RPTOR: variants seen among roughly 807,000 people sequenced by gnomAD.
RPTOR encodes the protein regulatory-associated protein of mTOR.
A neutral mutation model predicts 169.9 loss-of-function variants in RPTOR; 21 were observed. The ratio of observed to expected loss-of-function variants is 0.12; its 90% CI spans 0.09 to 0.18. The LOEUF is 0.18. RPTOR is among the 10% of genes least tolerant of loss of function. RPTOR has a pLI of 1.00. For synonymous variants in RPTOR, 732 were observed against 753.2 expected, an observed-to-expected ratio of 0.97 and a Z score of 0.46; for missense variants, 1,133 against 1,855.9, an observed-to-expected ratio of 0.61 and a Z score of 7.16.
chr17:80,724,036 AAAGGGGGTTGCTG>A (rs2066309196), intron 4 of RPTOR, among the ~76,000 whole-genome samples: 1 of 151,270 alleles, frequency 6.6e-6, no homozygotes, highest in South Asian at 2.1e-4. Flanking sequence ...TAGATAGGAG[AAAGGGGGTTGCTG>A]AAGAAAGTAT....
intron 28 of RPTOR, among the ~76,000 whole-genome samples, chr17:80,953,268 A>G (rs1253672347): frequency 6.6e-6 from 1 of 151,710 alleles, no homozygotes; most frequent in Non-Finnish European, 1.5e-5. Flanking sequence ...TTCTTCCCAT[A>G]GATTCTTATT....
intron 1 of RPTOR, among the ~76,000 whole-genome samples, chr17:80,590,693 G>C (rs1397619301): frequency 1.3e-5 from 2 of 152,260 alleles, no homozygotes; most frequent in Non-Finnish European, 2.9e-5. Flanking sequence ...GGTATAATCT[G>C]TCTACACTTT....
rs190568376 is a variant in RPTOR, at chr17:80,938,276, G to A, written c.2920-2220G>A. Among the ~76,000 whole-genome samples, 270 of 152,210 alleles carry A rather than the reference G, an allele frequency of 1.8e-3. 2 individuals carry two copies. The South Asian group carries it at 0.037, about 21-fold the overall frequency. ...AAGCCGCCCCATTTCTACCCCCCAC[G>A]TCTGGATTCTTTGCCTGAGCTCAGG... On this transcript the variant is annotated intron_variant, in intron 24 of 33. Coordinates refer to ENST00000306801, the MANE Select transcript of RPTOR (RefSeq NM_020761.3).
chr17:80,904,587 C>A (rs2068517814), intron 20 of RPTOR, among the ~76,000 whole-genome samples: 1 of 152,204 alleles, frequency 6.6e-6, no homozygotes, highest in Non-Finnish European at 1.5e-5. Context: ...AAAATAGGTT[C>A]TCCGTGCTTA....
At position 80,823,101 on chromosome 17, in the gene RPTOR, A is replaced by G; in HGVS notation, c.1014A>G (p.Arg338=). 6.2e-7 allele frequency: 1 copy of G among 1,614,150 alleles called. No homozygotes were observed. Among genetic ancestry groups the G allele is most frequent in the Non-Finnish European group, 8.5e-7 (1 of 1,180,034 alleles). ...CAGATCTCTTCCAAAAGCTCTTCAG[A>G]CAGGACTTGCTGGTGGCTAGTCTGT... ...LPRDLFQKLF[R]QDLLVASLFR... Residue 338 remains arginine (R), a synonymous_variant, in exon 9 of 34, where the codon AGA becomes AGG. Transcript: ENST00000306801. This position sits in a 1 kb window ranked among gnomAD's most constrained non-coding sequence, Gnocchi z 4.5.
chr17:80,628,934 T>C (rs2143543182), intron 2 of RPTOR, among the ~76,000 whole-genome samples: 1 of 152,358 alleles, frequency 6.6e-6, no homozygotes, highest in Middle Eastern at 3.4e-3. Context: ...TTAGACATTG[T>C]ACCGCAGCTC....
intron 5 of RPTOR, among the ~76,000 whole-genome samples, chr17:80,744,457 T>C (rs200034575): frequency 0.066 from 545 of 8,198 alleles, 17 homozygotes; most frequent in East Asian, 0.2. Flanking sequence ...ACTGTCCTGG[T>C]TACTAGCACA....
chr17:80,593,107 G>T (rs2065119369), intron 1 of RPTOR: 2 of 152,254 alleles, frequency 1.3e-5, no homozygotes, highest in Admixed American at 6.5e-5. Context: ...GGGGCCTGTT[G>T]GTTTTCCCCG....
At position 80,965,149 on chromosome 17, in the gene RPTOR, T is replaced by C. The variant is rs1568016484; in HGVS notation, c.*819T>C. 4.3e-6 allele frequency: 1 copy of C among 233,232 alleles called. No homozygotes were observed. The highest frequency in any genetic ancestry group is 2.2e-5 in the African/African-American group (1 of 45,364). The allele number at this position is 233,232 out of a possible 1,614,324, so 14.4% of individuals were successfully genotyped here. A position where few individuals can be genotyped will look rare whatever the true frequency, so the allele number is the denominator to read the frequency against. Reference sequence around the variant, plus strand: ...CGGGGCTCCTTTCCCTCCGAAGGGCTGCTCTTCCCCACAGGCGCGGGGACA... The same window carrying C: ...CGGGGCTCCTTTCCCTCCGAAGGGCCGCTCTTCCCCACAGGCGCGGGGACA... On this transcript the variant is annotated 3_prime_UTR_variant, in exon 34 of 34. Coordinates refer to ENST00000306801, the MANE Select transcript of RPTOR (RefSeq NM_020761.3).
chr17:80,957,551 C>G lies in RPTOR; in HGVS notation c.3371-73C>G. The G allele has an allele frequency of 1.4e-6, 2 of 1,435,846 alleles. No individual in the cohort carries two copies. Among genetic ancestry groups the G allele is most frequent in the South Asian group, 2.3e-5 (2 of 87,434 alleles). The allele number at this position is 1,435,846 out of a possible 1,614,324, so 88.9% of individuals were successfully genotyped here. A position where few individuals can be genotyped will look rare whatever the true frequency, so the allele number is the denominator to read the frequency against. Reference sequence around the variant, plus strand: ...TTGTAGCTGCTGGCCAAATTGCTGCCCAGAGCAGGCCCCAAAGCCTGCCCA... The same window carrying G: ...TTGTAGCTGCTGGCCAAATTGCTGCGCAGAGCAGGCCCCAAAGCCTGCCCA... On this transcript the variant is annotated intron_variant, in intron 28 of 33. Coordinates refer to ENST00000306801, the MANE Select transcript of RPTOR (RefSeq NM_020761.3). The surrounding 1 kb of genome is among the most constrained non-coding windows in gnomAD (Gnocchi z 4.6).
At position 80,800,239 on chromosome 17, in the gene RPTOR, T is replaced by C. The variant is rs564924141; in HGVS notation, c.890+8730T>C. Among the ~76,000 whole-genome samples, 10 of 152,312 alleles carry C rather than the reference T, an allele frequency of 6.6e-5. No homozygotes were observed. The East Asian group carries it at 1.5e-3, about 23-fold the overall frequency. ...GGTCAGAAATCCAACCCGAGTCATATCATTATCCTCGTCTTTGTCGGCACT... is the reference window on the plus strand; with the variant it reads ...GGTCAGAAATCCAACCCGAGTCATACCATTATCCTCGTCTTTGTCGGCACT... On this transcript the variant is annotated intron_variant, in intron 7 of 33. Coordinates refer to ENST00000306801, the MANE Select transcript of RPTOR (RefSeq NM_020761.3).
intron 24 of RPTOR, among the ~76,000 whole-genome samples, chr17:80,929,890 C>G (rs923639571): frequency 6.6e-6 from 1 of 152,140 alleles, no homozygotes; most frequent in African/African-American, 2.4e-5. Context: ...TTTTGTTTTT[C>G]TCCTCTGAGA....
Position 80,690,788 on chromosome 17 carries a change from G to A in RPTOR, c.349-17053G>A, listed in dbSNP as rs866679668. Among the ~76,000 whole-genome samples, 14 of 152,242 alleles carry A rather than the reference G, an allele frequency of 9.2e-5. No individual in the cohort carries two copies. In the Middle Eastern group the frequency reaches 0.017, roughly 185 times the overall value. On this transcript the variant is annotated intron_variant, in intron 3 of 33. Coordinates refer to ENST00000306801, the MANE Select transcript of RPTOR (RefSeq NM_020761.3). ...TTATTAGAGATTATGAAAAGATGGT[G>A]TTATTGTTTCATTCCTTTTTTTGCA... is the stretch of plus-strand genomic sequence containing the variant.
At chr17:80,598,882 TTCTATCTATCTATCTATCTA>T (rs57535540) in intron 1 of RPTOR, among the ~76,000 whole-genome samples, 6 of 146,756 alleles carry the variant, frequency 4.1e-5, no homozygotes, top group East Asian at 2.0e-4. Context: ...TCTTGATTCT[TTCTATCTATCTATCTATCTA>T]TCTATCTATC....
Position 80,730,758 on chromosome 17 carries a change from T to TTTTTGCGGG in RPTOR, c.654+52_654+53insTTTTGCGGG. 2.1e-6 allele frequency: 1 copy of TTTTTGCGGG among 467,256 alleles called. No homozygotes were observed. Among genetic ancestry groups the TTTTTGCGGG allele is most frequent in the Non-Finnish European group, 3.9e-6 (1 of 254,706 alleles). The allele number at this position is 467,256 out of a possible 1,614,324, so 28.9% of individuals were successfully genotyped here. A position where few individuals can be genotyped will look rare whatever the true frequency, so the allele number is the denominator to read the frequency against. On this transcript the variant is annotated intron_variant, in intron 5 of 33. Transcript: ENST00000306801. The surrounding 1 kb of genome is among the most constrained non-coding windows in gnomAD (Gnocchi z 4.2). Reference sequence around the variant, plus strand: ...GTGCTGGGTTTGGTTTTGTTTTCCCTGGGGGTGGGGTTTGGGTGGGGAGGT... The same window carrying TTTTTGCGGG: ...GTGCTGGGTTTGGTTTTGTTTTCCCTTTTTGCGGGGGGGGTGGGGTTTGGGTGGGGAGGT...
chr17:80,732,373 T>C (rs1292204045), intron 5 of RPTOR, among the ~76,000 whole-genome samples: 2 of 152,136 alleles, frequency 1.3e-5, no homozygotes, highest in African/African-American at 4.8e-5. Context: ...ACCAAATGCT[T>C]GCATTCCAGC....
In RPTOR at chr17:80,868,664, G is replaced by A. The variant is rs1026216857; in HGVS notation, c.1509+10764G>A. On this transcript the variant is annotated intron_variant, in intron 13 of 33. Coordinates refer to ENST00000306801, the MANE Select transcript of RPTOR (RefSeq NM_020761.3). ...GAAATGGAAGCATGTCCACACAAAG[G>A]CTTGTACATGAATGTTCCTAGCAGC... is the stretch of plus-strand genomic sequence containing the variant. Among the ~76,000 whole-genome samples the A allele has an allele frequency of 3.3e-5, 5 of 152,252 alleles. No individual in the cohort carries two copies. In the East Asian group the frequency reaches 9.6e-4, roughly 29 times the overall value.
intron 33 of RPTOR, among the ~76,000 whole-genome samples, chr17:80,963,810 G>A (rs1443523628): frequency 7.1e-6 from 1 of 140,936 alleles, no homozygotes; most frequent in African/African-American, 2.6e-5. Context: ...CCCTCACCCC[G>A]TCCGCTGTGC....
intron 2 of RPTOR, among the ~76,000 whole-genome samples, chr17:80,636,128 C>T (rs184866037): frequency 2.3e-4 from 35 of 152,194 alleles, no homozygotes; most frequent in Non-Finnish European, 2.9e-4. Flanking sequence ...TGTTTTGGGC[C>T]TCAGTTTCCT....
Sources: gnomAD v4.1 joint callset for allele counts (sites outside exome capture counted in the v4.1 genomes callset) on GRCh38, gnomAD v4.1.1 for gene constraint, Gnocchi (gnomAD v3.1) non-coding constraint, MANE v1.5 for transcripts, NCBI Gene and HGNC (gene_info 2026-07-23, HGNC 2026-07-21) for gene names.